The following LAMC3 variants were observed in gnomAD, a reference collection of about 807,000 sequenced individuals.
The protein encoded by LAMC3 is laminin subunit gamma 3, also known as laminin subunit gamma-3.
Under a neutral mutation model 173.8 loss-of-function variants are expected in LAMC3, and 128 were observed. The observed-to-expected ratio is 0.74, with a 90% CI of 0.64 to 0.85. The LOEUF is 0.85. Among genes scored for constraint, LAMC3 ranks in the 40% least tolerant of loss-of-function variants. The pLI, the probability that LAMC3 is intolerant of heterozygous loss-of-function variation, is 0.00. For synonymous variants in LAMC3, 897 were observed against 909.1 expected (o/e 0.99, Z 0.24); for missense variants, 2,022 against 2,156.0 (o/e 0.94, Z 1.23).
At chr9:131,082,928 C>T (rs1830266067) in intron 24 of LAMC3, among the ~76,000 whole-genome samples, 1 of 152,236 alleles carries the variant, frequency 6.6e-6, no homozygotes, top group South Asian at 2.1e-4. Flanking sequence ...GTGGACCCAG[C>T]CCCTCTGGGG....
chr9:131,057,025 A>C lies in LAMC3; in HGVS notation c.2036A>C (p.Tyr679Ser). 6.2e-7 allele frequency: 1 copy of C among 1,614,090 alleles called. No homozygotes were observed. Among genetic ancestry groups the C allele is most frequent in the African/African-American group, 1.3e-5 (1 of 75,050 alleles). The change falls in exon 12 of 28, where the codon TAC (tyrosine) becomes TCC (serine). Residue 679 changes from tyrosine (Y) to serine (S), a missense_variant. By Grantham distance (144) the Tyr-to-Ser change is moderately radical. Transcript: ENST00000361069. ...WVEICSCPTGYTGQFCESCAP... is the reference protein window; with the variant it reads ...WVEICSCPTGSTGQFCESCAP... ...GAGATTTGTTCATGTCCCACTGGCTACACGGGCCAGTTCTGTGAATCCTGT... is the reference window on the plus strand; with the variant it reads ...GAGATTTGTTCATGTCCCACTGGCTCCACGGGCCAGTTCTGTGAATCCTGT...
In LAMC3 at chr9:131,085,681, G is replaced by A. The variant is rs760349433; in HGVS notation, c.4188G>A (p.Lys1396=). ...CCCCTCTTTCCTCCAGTGCCAAGAA[G>A]AAGGGCAGAGAAGCAGAGGTGTTGG... The part of the protein sequence containing the change: ...NAAPLSSSAK[K]KGREAEVLAK... The change falls in exon 25 of 28, where the codon AAG becomes AAA. Residue 1396 remains lysine, a synonymous_variant. Coordinates refer to ENST00000361069, the MANE Select transcript of LAMC3 (RefSeq NM_006059.4). 1 of 1,614,072 alleles carries A rather than the reference G, an allele frequency of 6.2e-7. No homozygotes were observed. Among genetic ancestry groups the A allele is most frequent in the Non-Finnish European group, 8.5e-7 (1 of 1,180,048 alleles).
At chr9:131,018,111 G>T (rs1263031401) in intron 1 of LAMC3, among the ~76,000 whole-genome samples, 1 of 151,550 alleles carries the variant, frequency 6.6e-6, no homozygotes, top group Non-Finnish European at 1.5e-5. Context: ...CAACAAAAAG[G>T]TTGGGAAAGG....
Position 131,069,866 on chromosome 9 carries a change from C to A in LAMC3, c.3069+16C>A, listed in dbSNP as rs1830010781. On this transcript the variant is annotated intron_variant, in intron 17 of 27. Coordinates refer to ENST00000361069, the MANE Select transcript of LAMC3 (RefSeq NM_006059.4). ...GAAGGAGGAGGTGAGTCGGCCCAGA[C>A]CCACTCACCTTTCCATTCATTCTGT... is the stretch of plus-strand genomic sequence containing the variant. 5.7e-6 allele frequency: 9 copies of A among 1,571,730 alleles called. No individual in the cohort carries two copies. Among genetic ancestry groups the A allele is most frequent in the Non-Finnish European group, 7.8e-6 (9 of 1,157,682 alleles).
At chr9:131,041,554 G>A in intron 6 of LAMC3, 83 bp from the exon 7 acceptor site, 1 of 1,228,372 alleles carries the variant, frequency 8.1e-7, no homozygotes, top group Non-Finnish European at 1.2e-6. Flanking sequence ...TTGGCAGCAG[G>A]GAAAGCTCCC....
At chr9:131,031,942 C>CA in intron 2 of LAMC3, 103 bp from the exon 3 acceptor site, 1 of 1,604,926 alleles carries the variant, frequency 6.2e-7, no homozygotes, top group Non-Finnish European at 8.5e-7. Context: ...TCCTGTGTCC[C>CA]AGGAGCTCCC....
chr9:131,009,328 G>A lies in LAMC3; in HGVS notation c.114G>A (p.Val38=). Residue 38 remains valine, a synonymous_variant, in exon 1 of 28, where the codon GTG becomes GTA. Coordinates refer to ENST00000361069, the MANE Select transcript of LAMC3 (RefSeq NM_006059.4). The surrounding 1 kb of genome is among the most constrained non-coding windows in gnomAD (Gnocchi z 4.3). ...GGCGCCCGCAGCGCTGCCTGCCGGT[G>A]TTCGAGAACGCGGCGTTTGGGCGGC... ...GAGRPQRCLP[V]FENAAFGRLA... The A allele has an allele frequency of 6.7e-7, 1 of 1,486,668 alleles. No individual in the cohort carries two copies. Among genetic ancestry groups the A allele is most frequent in the South Asian group, 1.3e-5 (1 of 78,618 alleles). 92.1% of individuals were successfully genotyped at this position (1,486,668 alleles called of 1,614,324 possible).
At chr9:131,011,262 G>A (rs536586961) in intron 1 of LAMC3, among the ~76,000 whole-genome samples, 1 of 152,212 alleles carries the variant, frequency 6.6e-6, no homozygotes, top group Non-Finnish European at 1.5e-5. Flanking sequence ...TTGGAGCCTA[G>A]GAGTTTGGAT....
chr9:131,032,610 C>CTCTT (rs1564368516), intron 3 of LAMC3, among the ~76,000 whole-genome samples: 1 of 138,792 alleles, frequency 7.2e-6, no homozygotes, highest in Non-Finnish European at 1.6e-5. Flanking sequence ...CTTTCTCTCT[C>CTCTT]TCTCTCTCTC....
chr9:131,011,641 C>T lies in LAMC3; in HGVS notation c.373+2054C>T, dbSNP rs575259328. Among the ~76,000 whole-genome samples, 57 of 63,630 alleles carry T rather than the reference C, an allele frequency of 9.0e-4. No homozygotes were observed. In the South Asian group the frequency reaches 0.025, roughly 28 times the overall value. 41.7% of individuals were successfully genotyped at this position (63,630 alleles called of 152,430 possible). A position where few individuals can be genotyped will look rare whatever the true frequency, so the allele number is the denominator to read the frequency against. On this transcript the variant is annotated intron_variant, in intron 1 of 27. Transcript: ENST00000361069. ...CACTAGGTGGGGCTTCTGAATGGGA[C>T]GAGGGGGAGGGGACAGGAAGCCAGT...
At chr9:131,032,720 G>A (rs1267261387) in intron 3 of LAMC3, among the ~76,000 whole-genome samples, 1 of 152,138 alleles carries the variant, frequency 6.6e-6, no homozygotes, top group Non-Finnish European at 1.5e-5. Flanking sequence ...CCAGGCTGGA[G>A]TGCAGTGGTG....
In LAMC3 at chr9:131,088,377, A is replaced by G. The variant is rs966791640; in HGVS notation, c.4477+560A>G. On this transcript the variant is annotated intron_variant, in intron 27 of 27. Transcript: ENST00000361069. ...AAGCGCTTACCACGGTGCGTGGTGTATGTTGAGAGTGAGTAAATAGCGGCT... is the reference window on the plus strand; with the variant it reads ...AAGCGCTTACCACGGTGCGTGGTGTGTGTTGAGAGTGAGTAAATAGCGGCT... Among the ~76,000 whole-genome samples the G allele has an allele frequency of 3.9e-5, 6 of 152,108 alleles. No individual in the cohort carries two copies. In the East Asian group the frequency reaches 1.2e-3, roughly 29 times the overall value.
chr9:131,031,637 A>G (rs1160406131), intron 2 of LAMC3, among the ~76,000 whole-genome samples: 5 of 152,108 alleles, frequency 3.3e-5, no homozygotes, highest in Admixed American at 6.5e-5. Flanking sequence ...AAGCCAGGTG[A>G]CCTGCACAAC....
chr9:131,036,959 C>A (rs1224083635), intron 4 of LAMC3, among the ~76,000 whole-genome samples: 1 of 152,254 alleles, frequency 6.6e-6, no homozygotes, highest in Admixed American at 6.5e-5. Context: ...CCAGCTGGTG[C>A]TGGTGCTGCT....
chr9:131,038,452 G>A (rs983376290), intron 4 of LAMC3, among the ~76,000 whole-genome samples: 1 of 152,172 alleles, frequency 6.6e-6, no homozygotes, highest in Admixed American at 6.5e-5. Flanking sequence ...TGTGCTTTCT[G>A]TACCCCTGAG....
chr9:131,063,296 C>T (rs1420673141), intron 13 of LAMC3, among the ~76,000 whole-genome samples: 1 of 152,206 alleles, frequency 6.6e-6, no homozygotes, highest in Non-Finnish European at 1.5e-5. Context: ...CTTACATTTT[C>T]TAGCTCCCGA....
chr9:131,056,060 G>C (rs1054651004), intron 11 of LAMC3, among the ~76,000 whole-genome samples: 4 of 151,810 alleles, frequency 2.6e-5, no homozygotes, highest in African/African-American at 4.8e-5. Flanking sequence ...GCTGGGTGTG[G>C]TGCCACACAC....
intron 7 of LAMC3, among the ~76,000 whole-genome samples, chr9:131,042,467 A>G (rs1185372794): frequency 1.3e-5 from 2 of 151,272 alleles, no homozygotes; most frequent in Non-Finnish European, 2.9e-5. Context: ...GAGCACTATC[A>G]CAACCCTCCC....
chr9:131,016,629 TA>T (rs1376313614), intron 1 of LAMC3, among the ~76,000 whole-genome samples: 2 of 152,200 alleles, frequency 1.3e-5, no homozygotes, highest in African/African-American at 2.4e-5. Context: ...TTGTAGGACA[TA>T]AATTCTCATG....
Sources: allele counts gnomAD v4.1 joint callset (sites outside exome capture counted in the v4.1 genomes callset), GRCh38; gene constraint gnomAD v4.1.1; non-coding constraint Gnocchi (gnomAD v3.1); transcripts MANE v1.5; gene names NCBI Gene and HGNC (gene_info 2026-07-23, HGNC 2026-07-21).